The following NSD3 variants were observed in gnomAD, a reference collection of about 807,000 sequenced individuals.
NSD3 encodes histone-lysine N-methyltransferase NSD3.
NSD3 carries 24 observed loss-of-function variants against 160.8 expected under a neutral mutation model. The observed-to-expected ratio is 0.15, with a 90% CI of 0.11 to 0.21. The LOEUF is 0.21. Ranked by LOEUF, NSD3 falls within the 10% of genes least tolerant of loss-of-function variation. The pLI, the probability that NSD3 is intolerant of heterozygous loss-of-function variation, is 1.00. For missense variants in NSD3, 1,157 were observed against 1,735.9 expected, an observed-to-expected ratio of 0.67 and a Z score of 5.93; for synonymous variants, 520 against 600.0, an observed-to-expected ratio of 0.87 and a Z score of 1.95.
intron 20 of NSD3, 133 bp downstream of exon 20, chr8:38,281,334 A>G (rs1350423910): frequency 2.3e-6 from 1 of 432,784 alleles, no homozygotes; most frequent in Non-Finnish European, 4.0e-6. Context: ...AGTAGGCAGC[A>G]CACTAGCTAC....
chr8:38,366,110 C>CAAAA (rs757397268), intron 1 of NSD3, among the ~76,000 whole-genome samples: 5 of 44,274 alleles, frequency 1.1e-4, no homozygotes, highest in Non-Finnish European at 1.5e-4. Flanking sequence ...GACTCTGTCT[C>CAAAA]AAAAAAAAAA....
chr8:38,339,371 A>T (rs1435563920), intron 2 of NSD3, among the ~76,000 whole-genome samples: 7 of 152,218 alleles, frequency 4.6e-5, no homozygotes, highest in African/African-American at 1.7e-4. Flanking sequence ...AGAGATGTAA[A>T]AAATATGGAT....
chr8:38,282,401 T>C (rs1428141622), intron 19 of NSD3, among the ~76,000 whole-genome samples: 1 of 152,260 alleles, frequency 6.6e-6, no homozygotes, highest in Non-Finnish European at 1.5e-5. Flanking sequence ...CTGGTCGCCG[T>C]GGCTCACGCC....
chr8:38,281,938 G>T (rs1585852097), intron 19 of NSD3, among the ~76,000 whole-genome samples: 1 of 152,286 alleles, frequency 6.6e-6, no homozygotes, highest in South Asian at 2.1e-4. Context: ...GGTGAGACCT[G>T]GAAGAGATCT....
At position 38,319,012 on chromosome 8, in the gene NSD3, T is replaced by TA; in HGVS notation, c.1810-73dup. ...TTTAATTATTAACAGAGGGAAAAGATACTTTCATCAATCTAAGCAATGATG... is the reference window on the plus strand; with the variant it reads ...TTTAATTATTAACAGAGGGAAAAGATAACTTTCATCAATCTAAGCAATGATG... On this transcript the variant is annotated intron_variant, in intron 8 of 23. Transcript: ENST00000317025. This position sits in a 1 kb window ranked among gnomAD's most constrained non-coding sequence, Gnocchi z 4.1. 2.3e-6 allele frequency: 3 copies of TA among 1,326,266 alleles called. No individual in the cohort carries two copies. Among genetic ancestry groups the TA allele is most frequent in the Non-Finnish European group, 3.2e-6 (3 of 940,670 alleles). The allele number at this position is 1,326,266 out of a possible 1,614,324, so 82.2% of individuals were successfully genotyped here.
chr8:38,310,517 T>C (rs1371850910), intron 12 of NSD3, among the ~76,000 whole-genome samples: 1 of 152,078 alleles, frequency 6.6e-6, no homozygotes, highest in Non-Finnish European at 1.5e-5. Flanking sequence ...TGGAGTCCTT[T>C]TTTTTTTGAG....
At position 38,316,326 on chromosome 8, in the gene NSD3, C is replaced by T; in HGVS notation, c.1856-284G>A. 2 of 1,068,304 alleles carry T rather than the reference C, an allele frequency of 1.9e-6. No individual in the cohort carries two copies. The highest frequency in any genetic ancestry group is 2.3e-6 in the Non-Finnish European group (2 of 862,068). The allele number at this position is 1,068,304 out of a possible 1,614,324, so 66.2% of individuals were successfully genotyped here. Reference sequence around the variant, plus strand: ...CCACGTTCCAACCTAAAAATCAATTCTATGAAAATTGCAGGATAGCTGATG... The same window carrying T: ...CCACGTTCCAACCTAAAAATCAATTTTATGAAAATTGCAGGATAGCTGATG... On this transcript the variant is annotated intron_variant, in intron 9 of 23. Coordinates refer to ENST00000317025, the MANE Select transcript of NSD3 (RefSeq NM_023034.2). This position sits in a 1 kb window ranked among gnomAD's most constrained non-coding sequence, Gnocchi z 4.5.
At chr8:38,348,735 C>T (rs574258372) in intron 1 of NSD3, among the ~76,000 whole-genome samples, 4 of 152,138 alleles carry the variant, frequency 2.6e-5, no homozygotes, top group South Asian at 4.1e-4. Flanking sequence ...AATCATGGCT[C>T]ACTACAGCCT....
chr8:38,297,497 C>G (rs1377303915), intron 15 of NSD3, among the ~76,000 whole-genome samples: 4 of 152,142 alleles, frequency 2.6e-5, no homozygotes, highest in Non-Finnish European at 4.4e-5. Flanking sequence ...TAAGAGCCCT[C>G]TATGCAACTT....
At position 38,272,672 on chromosome 8, in the gene NSD3, A is replaced by T. The variant is rs1413501551; in HGVS notation, c.*2969T>A. The T allele has an allele frequency of 1.3e-5, 2 of 152,258 alleles. No homozygotes were observed. Among genetic ancestry groups the T allele is most frequent in the Non-Finnish European group, 2.9e-5 (2 of 68,044 alleles). 9.4% of individuals were successfully genotyped at this position (152,258 alleles called of 1,614,324 possible). A position where few individuals can be genotyped will look rare whatever the true frequency, so the allele number is the denominator to read the frequency against. ...ACAAATTAACATGTGGTTAAAAAAA[A>T]TACCACCATTAGCCCATGCTGCTTT... is the stretch of plus-strand genomic sequence containing the variant. On this transcript the variant is annotated 3_prime_UTR_variant, in exon 24 of 24. Transcript: ENST00000317025.
chr8:38,289,543 AACCAAAGG>A, intron 17 of NSD3, 38 bp from the exon 18 acceptor site: 1 of 1,577,458 alleles, frequency 6.3e-7, no homozygotes, highest in East Asian at 2.2e-5. Context: ...AAATACCAAA[AACCAAAGG>A]AAAATTGATG....
chr8:38,277,380 C>A (rs916158614), intron 22 of NSD3, among the ~76,000 whole-genome samples: 1 of 152,200 alleles, frequency 6.6e-6, no homozygotes, highest in African/African-American at 2.4e-5. Context: ...CAGTTTCAAG[C>A]GATTCTTCTG....
At chr8:38,306,278 T>C (rs2131010845) in intron 12 of NSD3, among the ~76,000 whole-genome samples, 1 of 152,270 alleles carries the variant, frequency 6.6e-6, no homozygotes, top group Non-Finnish European at 1.5e-5. Flanking sequence ...ATATTTTTGC[T>C]AATAAATTTG....
intron 7 of NSD3, among the ~76,000 whole-genome samples, chr8:38,325,086 A>G (rs1278822247): frequency 6.6e-6 from 1 of 152,216 alleles, no homozygotes; most frequent in African/African-American, 2.4e-5. Context: ...GACTAAACCC[A>G]AGGAGGGGGT....
rs567561871 is a variant in NSD3, at chr8:38,319,683, T to C, written c.1810-743A>G. 42 of 152,310 alleles carry C rather than the reference T, an allele frequency of 2.8e-4. No homozygotes were observed. Among genetic ancestry groups the C allele is most frequent in the African/African-American group, 1.0e-3 (42 of 41,576 alleles). 9.4% of individuals were successfully genotyped at this position (152,310 alleles called of 1,614,324 possible). ...GTTCCTGTTTAAGCTATAAATTGAATTTCATGTTTCTTTAAGATGTGGTGA... is the reference window on the plus strand; with the variant it reads ...GTTCCTGTTTAAGCTATAAATTGAACTTCATGTTTCTTTAAGATGTGGTGA... On this transcript the variant is annotated intron_variant, in intron 8 of 23. Coordinates refer to ENST00000317025, the MANE Select transcript of NSD3 (RefSeq NM_023034.2). This position sits in a 1 kb window ranked among gnomAD's most constrained non-coding sequence, Gnocchi z 4.1.
chr8:38,295,723 A>C lies in NSD3; in HGVS notation c.2915+73T>G, dbSNP rs1301859762. On this transcript the variant is annotated intron_variant, in intron 16 of 23. Transcript: ENST00000317025. The stretch of plus-strand genomic sequence containing the variant: ...CTGTCTACCTATCTATCTCCAAGTC[A>C]CTCTGTATCCAGAGTATGAAACTGG... 2.1e-6 allele frequency: 3 copies of C among 1,432,764 alleles called. No homozygotes were observed. In the African/African-American group the frequency reaches 4.3e-5, roughly 21 times the overall value. 88.8% of individuals were successfully genotyped at this position (1,432,764 alleles called of 1,614,324 possible). A position where few individuals can be genotyped will look rare whatever the true frequency, so the allele number is the denominator to read the frequency against.
At position 38,348,183 on chromosome 8, in the gene NSD3, A is replaced by G. The variant is rs1357061145; in HGVS notation, c.-12T>C. 1.9e-6 allele frequency: 3 copies of G among 1,552,174 alleles called. No homozygotes were observed. Among genetic ancestry groups the G allele is most frequent in the Non-Finnish European group, 2.6e-6 (3 of 1,151,332 alleles). Reference sequence around the variant, plus strand: ...AAAGAGAAATCCATTGTTCTGCTCCAGCATCCTTAACTTTCCCTTTCTCTC... The same window carrying G: ...AAAGAGAAATCCATTGTTCTGCTCCGGCATCCTTAACTTTCCCTTTCTCTC... On this transcript the variant is annotated 5_prime_UTR_variant, in exon 2 of 24. Transcript: ENST00000317025.
chr8:38,362,397 C>T lies in NSD3; in HGVS notation c.-44-14182G>A, dbSNP rs187198202. On this transcript the variant is annotated intron_variant, in intron 1 of 23. Transcript: ENST00000317025. Reference sequence around the variant, plus strand: ...TTGAACTGAGAGTACAGATTTGCTTCTTCCTTCCTAAGAAAGACCTCATAA... The same window carrying T: ...TTGAACTGAGAGTACAGATTTGCTTTTTCCTTCCTAAGAAAGACCTCATAA... 2.1e-3 allele frequency among the ~76,000 whole-genome samples: 315 copies of T among 150,948 alleles called. 2 individuals are homozygous for T. The highest frequency in any genetic ancestry group is 7.2e-3 in the African/African-American group (297 of 41,178).
At chr8:38,376,420 C>A (rs1432803618) in intron 1 of NSD3, among the ~76,000 whole-genome samples, 1 of 151,860 alleles carries the variant, frequency 6.6e-6, no homozygotes, top group Non-Finnish European at 1.5e-5. Flanking sequence ...TTTTCATAGG[C>A]AGCTCTAATT....
Sources: allele counts gnomAD v4.1 joint callset (sites outside exome capture counted in the v4.1 genomes callset), GRCh38; gene constraint gnomAD v4.1.1; non-coding constraint Gnocchi (gnomAD v3.1); transcripts MANE v1.5; gene names NCBI Gene and HGNC (gene_info 2026-07-23, HGNC 2026-07-21).